ITGA1: variants seen among roughly 807,000 people sequenced by gnomAD.
The protein encoded by ITGA1 is integrin alpha-1.
A neutral mutation model predicts 145.9 loss-of-function variants in ITGA1; 85 were observed. That is an observed-to-expected ratio of 0.58 (90% CI 0.49 to 0.70). The LOEUF (loss-of-function observed/expected upper bound fraction) is 0.70, where lower values mean the gene tolerates loss of function less well. Ranked by LOEUF, ITGA1 falls within the 30% of genes least tolerant of loss-of-function variation. The probability of loss-of-function intolerance (pLI) is 0.00; values close to 1 mark genes in which losing one functional copy is unlikely to be tolerated. For missense variants in ITGA1, 1,351 were observed against 1,418.7 expected (o/e 0.95, Z 0.77); for synonymous variants, 520 against 495.3 (o/e 1.05, Z -0.66).
Position 52,939,701 on chromosome 5 carries a change from G to A in ITGA1, c.3180+10G>A. 1 of 1,587,346 alleles carries A rather than the reference G, an allele frequency of 6.3e-7. No homozygotes were observed. The highest frequency in any genetic ancestry group is 8.6e-7 in the Non-Finnish European group (1 of 1,156,466). ...ACGAGGCACAATTCTGGTAAATTAA[G>A]ACAAGTGCTATTTTTACCTTTTGCT... is the stretch of plus-strand genomic sequence containing the variant. On this transcript the variant is annotated intron_variant, in intron 25 of 28. Transcript: ENST00000282588.
intron 27 of ITGA1, 152 bp from the exon 28 acceptor site, chr5:52,947,193 G>A (rs1157062599): frequency 3.6e-6 from 2 of 549,782 alleles, no homozygotes; most frequent in Non-Finnish European, 6.5e-6. Context: ...TAGACTAGAT[G>A]AAGAGCATTT....
At chr5:52,865,901 A>G (rs1243922456) in intron 6 of ITGA1, 84 bp downstream of exon 6, 1 of 1,130,086 alleles carries the variant, frequency 8.8e-7, no homozygotes, top group African/African-American at 1.6e-5. Flanking sequence ...TCTGAAAGCA[A>G]ATTAATCAAT....
intron 6 of ITGA1, among the ~76,000 whole-genome samples, chr5:52,879,331 A>G (rs1342345844): frequency 6.6e-6 from 1 of 152,192 alleles, no homozygotes; most frequent in Non-Finnish European, 1.5e-5. Flanking sequence ...AAAGGGGAAG[A>G]AAAACAAAGC....
chr5:52,925,468 T>C lies in ITGA1; in HGVS notation c.2594T>C (p.Leu865Pro), dbSNP rs1482422427. Residue 865 changes from leucine to proline, a missense_variant, in exon 19 of 29, where the codon CTA (leucine) becomes CCA (proline). By Grantham distance (98) the Leu-to-Pro change is moderately conservative. Transcript: ENST00000282588. ...TRTIVHYSPNLVFSGIEAIQK... is the reference protein window; with the variant it reads ...TRTIVHYSPNPVFSGIEAIQK... ...ACAATAGTGCATTATTCTCCAAATC[T>C]AGTTTTTTCAGGAATTGAGGTAAAC... The C allele has an allele frequency of 6.2e-7, 1 of 1,613,150 alleles. No homozygotes were observed. Among genetic ancestry groups the C allele is most frequent in the South Asian group, 1.1e-5 (1 of 90,876 alleles).
intron 1 of ITGA1, among the ~76,000 whole-genome samples, chr5:52,825,413 T>C (rs1169281129): frequency 6.6e-6 from 1 of 152,210 alleles, no homozygotes; most frequent in Admixed American, 6.5e-5. Context: ...TGTCTCTATG[T>C]CACATTTTGG....
intron 1 of ITGA1, among the ~76,000 whole-genome samples, chr5:52,791,194 A>G (rs1748231171): frequency 6.6e-6 from 1 of 152,238 alleles, no homozygotes; most frequent in African/African-American, 2.4e-5. Flanking sequence ...TGTCACATAT[A>G]AAGGATTTAA....
At chr5:52,950,329 A>C (rs1310810593) in intron 28 of ITGA1, among the ~76,000 whole-genome samples, 2 of 152,010 alleles carry the variant, frequency 1.3e-5, no homozygotes, top group East Asian at 3.9e-4. Flanking sequence ...TCCAATATAC[A>C]TGTTCTGGGT....
chr5:52,930,351 G>C (rs1750876524), intron 21 of ITGA1, among the ~76,000 whole-genome samples: 1 of 151,992 alleles, frequency 6.6e-6, no homozygotes, highest in Admixed American at 6.6e-5. Context: ...TGAATTAATG[G>C]ATTAATTAAT....
chr5:52,846,732 T>C (rs574263882), intron 1 of ITGA1, among the ~76,000 whole-genome samples: 19 of 152,284 alleles, frequency 1.2e-4, no homozygotes, highest in African/African-American at 4.3e-4. Flanking sequence ...GCTAGACAAA[T>C]CTCTTCATGA....
intron 1 of ITGA1, chr5:52,825,330 AC>A (rs1748943261): frequency 6.6e-6 from 1 of 152,200 alleles, no homozygotes; most frequent in South Asian, 2.1e-4. Flanking sequence ...CTTCATAGAT[AC>A]TGCGTTTTTC....
intron 2 of ITGA1, among the ~76,000 whole-genome samples, chr5:52,852,002 C>T (rs959675871): frequency 6.6e-6 from 1 of 152,122 alleles, no homozygotes; most frequent in African/African-American, 2.4e-5. Context: ...GCAGAATAGA[C>T]TATAAATTCA....
intron 2 of ITGA1, among the ~76,000 whole-genome samples, chr5:52,857,322 G>T (rs530454457): frequency 2.0e-5 from 3 of 152,198 alleles, no homozygotes; most frequent in Admixed American, 1.3e-4. Context: ...GATCCACCCT[G>T]TCTACCTGCT....
At chr5:52,940,570 G>A (rs541462638) in intron 26 of ITGA1, among the ~76,000 whole-genome samples, 2 of 151,772 alleles carry the variant, frequency 1.3e-5, no homozygotes, top group African/African-American at 2.4e-5. Flanking sequence ...CACCACGCCC[G>A]GCTAATTTTT....
At chr5:52,829,087 T>C (rs968795114) in intron 1 of ITGA1, among the ~76,000 whole-genome samples, 7 of 152,192 alleles carry the variant, frequency 4.6e-5, no homozygotes, top group African/African-American at 1.4e-4. Context: ...AAGAACCTAT[T>C]TCCAAATAAG....
At chr5:52,800,370 C>G (rs1240334728) in intron 1 of ITGA1, 1 of 1,612,850 alleles carries the variant, frequency 6.2e-7, no homozygotes, top group Admixed American at 1.7e-5. Flanking sequence ...TCCTTTGGTT[C>G]TGTCAGTGAG....
chr5:52,829,884 A>G (rs891851111), intron 1 of ITGA1, among the ~76,000 whole-genome samples: 1 of 151,992 alleles, frequency 6.6e-6, no homozygotes, highest in Non-Finnish European at 1.5e-5. Flanking sequence ...TTACCTTTGG[A>G]CTTGTTAACA....
At chr5:52,871,920 T>C (rs1179011073) in intron 6 of ITGA1, among the ~76,000 whole-genome samples, 1 of 152,188 alleles carries the variant, frequency 6.6e-6, no homozygotes, top group Non-Finnish European at 1.5e-5. Context: ...TATGATGGTG[T>C]AAACATTATG....
chr5:52,884,495 A>G (rs192704588), intron 7 of ITGA1, among the ~76,000 whole-genome samples: 29 of 152,176 alleles, frequency 1.9e-4, no homozygotes, highest in African/African-American at 6.5e-4. Context: ...TATGTTAAAA[A>G]TTATTCATGA....
chr5:52,882,099 T>G (rs954464761), intron 7 of ITGA1, 78 bp downstream of exon 7: 1 of 1,256,330 alleles, frequency 8.0e-7, no homozygotes, highest in African/African-American at 1.5e-5. Flanking sequence ...GGCATATCAA[T>G]TGAAAGTTTA....
Sources: allele counts gnomAD v4.1 joint callset (sites outside exome capture counted in the v4.1 genomes callset), GRCh38; gene constraint gnomAD v4.1.1; transcripts MANE v1.5; gene names NCBI Gene and HGNC (gene_info 2026-07-23, HGNC 2026-07-21).